The following ABLIM2 variants were observed in gnomAD, a reference collection of about 807,000 sequenced individuals.
ABLIM2 encodes the protein actin-binding LIM protein 2.
A neutral mutation model predicts 97.7 loss-of-function variants in ABLIM2; 53 were observed. The ratio of observed to expected loss-of-function variants is 0.54; its 90% CI spans 0.44 to 0.68. The LOEUF (loss-of-function observed/expected upper bound fraction) is 0.68, where lower values mean the gene tolerates loss of function less well. Among genes scored for constraint, ABLIM2 ranks in the 30% least tolerant of loss-of-function variants. ABLIM2 has a pLI of 0.00. For missense variants in ABLIM2, 835 were observed against 867.2 expected, an observed-to-expected ratio of 0.96 and a Z score of 0.47; for synonymous variants, 361 against 345.8, an observed-to-expected ratio of 1.04 and a Z score of -0.49.
intron 18 of ABLIM2, among the ~76,000 whole-genome samples, chr4:7,984,585 T>C (rs913163443): frequency 1.3e-5 from 2 of 152,174 alleles, no homozygotes; most frequent in African/African-American, 4.8e-5. Flanking sequence ...CAGAGTGCCA[T>C]ACAATGCAGG....
intron 5 of ABLIM2, among the ~76,000 whole-genome samples, chr4:8,079,968 C>T (rs939692965): frequency 6.6e-6 from 1 of 152,196 alleles, no homozygotes; most frequent in East Asian, 1.9e-4. Flanking sequence ...TCCACATATT[C>T]GCCCCTCACC....
rs570342574 is a variant in ABLIM2, at chr4:8,046,805, C to T, written c.823-1564G>A. ...TAGGATGGGCCCTAATCTGTTATGC[C>T]TGGGGTTTCTACGAGCAGGGATCAG... On this transcript the variant is annotated intron_variant, in intron 8 of 20. Coordinates refer to ENST00000447017, the MANE Select transcript of ABLIM2 (RefSeq NM_001130083.2). This position sits in a 1 kb window ranked among gnomAD's most constrained non-coding sequence, Gnocchi z 4.4. Among the ~76,000 whole-genome samples the T allele has an allele frequency of 2.0e-5, 3 of 152,132 alleles. No homozygotes were observed. The East Asian group carries it at 5.8e-4, about 29-fold the overall frequency.
At chr4:8,007,825 G>T in intron 16 of ABLIM2, 2 of 1,327,702 alleles carry the variant, frequency 1.5e-6, no homozygotes, top group South Asian at 4.4e-5. Flanking sequence ...TCTGTGAGGG[G>T]ACATGCAGGC....
In ABLIM2 at chr4:8,148,418, G is replaced by A. The variant is rs1005130921; in HGVS notation, c.10+10262C>T. On this transcript the variant is annotated intron_variant, in intron 1 of 20. Coordinates refer to ENST00000447017, the MANE Select transcript of ABLIM2 (RefSeq NM_001130083.2). This position sits in a 1 kb window ranked among gnomAD's most constrained non-coding sequence, Gnocchi z 6.7. Reference sequence around the variant, plus strand: ...GAGGTGAGGGAGCCGCTCAGGACGCGGGGGGGCCATGGCGCACCACAGTTA... The same window carrying A: ...GAGGTGAGGGAGCCGCTCAGGACGCAGGGGGGCCATGGCGCACCACAGTTA... Among the ~76,000 whole-genome samples, 10 of 152,094 alleles carry A rather than the reference G, an allele frequency of 6.6e-5. No individual in the cohort carries two copies. Among genetic ancestry groups the A allele is most frequent in the South Asian group, 2.1e-4 (1 of 4,824 alleles).
intron 1 of ABLIM2, among the ~76,000 whole-genome samples, chr4:8,135,157 A>C (rs1850009381): frequency 6.6e-6 from 1 of 152,222 alleles, no homozygotes; most frequent in Non-Finnish European, 1.5e-5. Flanking sequence ...AAAGGAAAAA[A>C]GGTAGGGAGA....
At chr4:8,045,788 C>G (rs141487328) in intron 8 of ABLIM2, among the ~76,000 whole-genome samples, 10 of 152,296 alleles carry the variant, frequency 6.6e-5, no homozygotes, top group African/African-American at 2.2e-4. Context: ...CAGAGTGATG[C>G]ACAGGCCAAG....
In ABLIM2 at chr4:7,998,782, C is replaced by T. The variant is rs1755142271; in HGVS notation, c.1619-5855G>A. On this transcript the variant is annotated intron_variant, in intron 16 of 20. Transcript: ENST00000447017. The surrounding 1 kb of genome is among the most constrained non-coding windows in gnomAD (Gnocchi z 6.4). ...GCTGCTGGGTGGGGGTGGGAGTGGG[C>T]AGGCAGGGCTGCTGTCCCTTGAGGT... 2.2e-6 allele frequency: 1 copy of T among 451,900 alleles called. No individual in the cohort carries two copies. The highest frequency in any genetic ancestry group is 1.6e-5 in the South Asian group (1 of 64,250). The allele number at this position is 451,900 out of a possible 1,614,324, so 28.0% of individuals were successfully genotyped here.
chr4:8,051,392 AAAG>A (rs1205806630), intron 8 of ABLIM2, among the ~76,000 whole-genome samples: 1 of 151,256 alleles, frequency 6.6e-6, no homozygotes, highest in East Asian at 1.9e-4. Context: ...ACTAAAAAAA[AAAG>A]AAAATACAAA....
In ABLIM2 at chr4:8,019,019, C is replaced by T. The variant is rs1475004586; in HGVS notation, c.1423+599G>A. 3.3e-5 allele frequency among the ~76,000 whole-genome samples: 5 copies of T among 152,160 alleles called. No individual in the cohort carries two copies. The highest frequency in any genetic ancestry group is 1.2e-4 in the African/African-American group (5 of 41,426). On this transcript the variant is annotated intron_variant, in intron 14 of 20. Coordinates refer to ENST00000447017, the MANE Select transcript of ABLIM2 (RefSeq NM_001130083.2). The surrounding 1 kb of genome is among the most constrained non-coding windows in gnomAD (Gnocchi z 4.3). ...AAAGAGAGGGGAGACCATGTGGCCC[C>T]GATTCCTGCTCCATGGCCCACGCAA...
rs967529244 is a variant in ABLIM2 at position 8,021,934 on chromosome 4, C to T, written c.1268-1631G>A. Reference sequence around the variant, plus strand: ...TGGCTCTACAGGTGCCCTTGCTGGCCGTGGCACCCTTGCTGGTCAGGTCAC... The same window carrying T: ...TGGCTCTACAGGTGCCCTTGCTGGCTGTGGCACCCTTGCTGGTCAGGTCAC... On this transcript the variant is annotated intron_variant, in intron 12 of 20. Transcript: ENST00000447017. The surrounding 1 kb of genome is among the most constrained non-coding windows in gnomAD (Gnocchi z 5.5). Among the ~76,000 whole-genome samples, 7 of 152,194 alleles carry T rather than the reference C, an allele frequency of 4.6e-5. No homozygotes were observed. The highest frequency in any genetic ancestry group is 2.6e-4 in the Admixed American group (4 of 15,284).
Position 8,095,643 on chromosome 4 carries a change from C to A in ABLIM2, c.338+1456G>T, listed in dbSNP as rs994274607. On this transcript the variant is annotated intron_variant, in intron 3 of 20. Coordinates refer to ENST00000447017, the MANE Select transcript of ABLIM2 (RefSeq NM_001130083.2). The surrounding 1 kb of genome is among the most constrained non-coding windows in gnomAD (Gnocchi z 4.7). Reference sequence around the variant, plus strand: ...AAGCGATCCTCCTACCTTGGCCTCCCGAGGTGCTGGATTACGGGTGTGAGC... The same window carrying A: ...AAGCGATCCTCCTACCTTGGCCTCCAGAGGTGCTGGATTACGGGTGTGAGC... 6.6e-6 allele frequency among the ~76,000 whole-genome samples: 1 copy of A among 152,126 alleles called. No individual in the cohort carries two copies. Among genetic ancestry groups the A allele is most frequent in the African/African-American group, 2.4e-5 (1 of 41,422 alleles).
intron 1 of ABLIM2, among the ~76,000 whole-genome samples, chr4:8,126,903 T>TA (rs374266597): frequency 6.6e-6 from 1 of 151,890 alleles, no homozygotes; most frequent in Non-Finnish European, 1.5e-5. Flanking sequence ...CCGTCTCTAC[T>TA]AAAAAAATTA....
chr4:8,096,371 C>A (rs1239273608), intron 3 of ABLIM2, among the ~76,000 whole-genome samples: 1 of 152,114 alleles, frequency 6.6e-6, no homozygotes, highest in Non-Finnish European at 1.5e-5. Context: ...AGATGTCAAC[C>A]CTCATCTCTA....
rs963313627 is a variant in ABLIM2 at position 8,085,385 on chromosome 4, C to T, written c.454+2784G>A. ...TCCAGATGTACCGAGAACACCACGGCGTGGCTTTGGAGGAAGCTGCCATCT... is the reference window on the plus strand; with the variant it reads ...TCCAGATGTACCGAGAACACCACGGTGTGGCTTTGGAGGAAGCTGCCATCT... On this transcript the variant is annotated intron_variant, in intron 4 of 20. Transcript: ENST00000447017. This position sits in a 1 kb window ranked among gnomAD's most constrained non-coding sequence, Gnocchi z 6.1. Among the ~76,000 whole-genome samples, 8 of 152,206 alleles carry T rather than the reference C, an allele frequency of 5.3e-5. No homozygotes were observed. Among genetic ancestry groups the T allele is most frequent in the Non-Finnish European group, 1.0e-4 (7 of 68,030 alleles).
Position 8,127,438 on chromosome 4 carries a change from C to T in ABLIM2, c.11-20801G>A. The T allele has an allele frequency of 8.0e-7, 1 of 1,244,002 alleles. No homozygotes were observed. Among genetic ancestry groups the T allele is most frequent in the Non-Finnish European group, 1.0e-6 (1 of 952,468 alleles). The allele number at this position is 1,244,002 out of a possible 1,614,324, so 77.1% of individuals were successfully genotyped here. A position where few individuals can be genotyped will look rare whatever the true frequency, so the allele number is the denominator to read the frequency against. On this transcript the variant is annotated intron_variant, in intron 1 of 20. Transcript: ENST00000447017. This position sits in a 1 kb window ranked among gnomAD's most constrained non-coding sequence, Gnocchi z 7.3. ...TGGACCCGTCCTTTCCCACCAGACC[C>T]CTGAAGCTGATTCATGGAGCTCACA...
In ABLIM2 at chr4:7,992,200, G is replaced by A. The variant is rs190685912; in HGVS notation, c.1680+666C>T. Among the ~76,000 whole-genome samples the A allele has an allele frequency of 1.2e-4, 18 of 152,174 alleles. No homozygotes were observed. The highest frequency in any genetic ancestry group is 7.8e-4 in the Admixed American group (12 of 15,288). On this transcript the variant is annotated intron_variant, in intron 17 of 20. Coordinates refer to ENST00000447017, the MANE Select transcript of ABLIM2 (RefSeq NM_001130083.2). This position sits in a 1 kb window ranked among gnomAD's most constrained non-coding sequence, Gnocchi z 5.7. Reference sequence around the variant, plus strand: ...AAACATAAGCCGCTCTTCCTAAGGCGTTCACTGTCCTGGGGCACAGGGCCT... The same window carrying A: ...AAACATAAGCCGCTCTTCCTAAGGCATTCACTGTCCTGGGGCACAGGGCCT...
intron 17 of ABLIM2, 80 bp from the exon 18 acceptor site, chr4:7,984,973 C>A (rs906132665): frequency 2.8e-5 from 41 of 1,482,640 alleles, no homozygotes; most frequent in South Asian, 2.5e-5. Context: ...GGAGATGTGG[C>A]CCCTTGGAGG....
intron 10 of ABLIM2, among the ~76,000 whole-genome samples, chr4:8,031,785 C>T (rs890133236): frequency 6.7e-6 from 1 of 150,026 alleles, no homozygotes; most frequent in African/African-American, 2.5e-5. Context: ...AGTGCAGTGG[C>T]GTGACCTCAG....
rs922318278 is a variant in ABLIM2, at chr4:8,123,551, C to T, written c.11-16914G>A. 9.2e-5 allele frequency among the ~76,000 whole-genome samples: 14 copies of T among 152,192 alleles called. No homozygotes were observed. The highest frequency in any genetic ancestry group is 1.6e-4 in the Non-Finnish European group (11 of 68,034). On this transcript the variant is annotated intron_variant, in intron 1 of 20. Transcript: ENST00000447017. This position sits in a 1 kb window ranked among gnomAD's most constrained non-coding sequence, Gnocchi z 6.2. ...GGCATGTCTAATTAAAACTGGTCGT[C>T]GGGATGGCTGGCCTGGAGCCCAGGG... is the stretch of plus-strand genomic sequence containing the variant.
Sources: gnomAD v4.1 joint callset for allele counts (sites outside exome capture counted in the v4.1 genomes callset) on GRCh38, gnomAD v4.1.1 for gene constraint, Gnocchi (gnomAD v3.1) non-coding constraint, MANE v1.5 for transcripts, NCBI Gene and HGNC (gene_info 2026-07-23, HGNC 2026-07-21) for gene names.